MTCL2: variants seen among roughly 807,000 people sequenced by gnomAD.
The protein encoded by MTCL2 is microtubule crosslinking factor 2.
the MTCL2 span, among the ~76,000 whole-genome samples, chr20:36,857,350 T>C: frequency 1.3e-5 from 2 of 152,076 alleles, no homozygotes; most frequent in Non-Finnish European, 2.9e-5. Context: ...GTGCGTGTGA[T>C]AGAATGGGAG....
At chr20:36,790,738 C>CTTTTT in the MTCL2 span, among the ~76,000 whole-genome samples, 2 of 135,916 alleles carry the variant, frequency 1.5e-5, no homozygotes, top group African/African-American at 2.7e-5. Context: ...TGCCTGGCCT[C>CTTTTT]TTTTTTTTTT....
the MTCL2 span, among the ~76,000 whole-genome samples, chr20:36,850,345 A>C: frequency 2.0e-5 from 3 of 152,082 alleles, no homozygotes; most frequent in Non-Finnish European, 4.4e-5. Flanking sequence ...CCTGGTCAAC[A>C]TGGCGAAACC....
At chr20:36,816,350 G>A in the MTCL2 span, 2 of 1,496,122 alleles carry the variant, frequency 1.3e-6, no homozygotes, top group Non-Finnish European at 1.8e-6. Flanking sequence ...GGTTAGTGCT[G>A]GGAGTCTCAG....
At chr20:36,856,870 G>A in the MTCL2 span, among the ~76,000 whole-genome samples, 12 of 152,032 alleles carry the variant, frequency 7.9e-5, no homozygotes, top group African/African-American at 2.2e-4. Context: ...GTGCGCGCAC[G>A]TGTGTGCGTG....
the MTCL2 span, among the ~76,000 whole-genome samples, chr20:36,827,826 T>C: frequency 6.6e-6 from 1 of 152,168 alleles, no homozygotes; most frequent in Non-Finnish European, 1.5e-5. Flanking sequence ...TTGTCTCCCC[T>C]TTTCACTATC....
At chr20:36,852,308 G>A in the MTCL2 span, among the ~76,000 whole-genome samples, 5 of 142,124 alleles carry the variant, frequency 3.5e-5, no homozygotes, top group East Asian at 3.9e-4. Flanking sequence ...TCTCCTGCCC[G>A]GGCCCGGGCC....
the MTCL2 span, chr20:36,829,132 G>A: frequency 1.6e-5 from 25 of 1,594,060 alleles, no homozygotes; most frequent in Middle Eastern, 1.7e-4. Flanking sequence ...GAAGCTCTTC[G>A]TTCTCCTCCT....
the MTCL2 span, among the ~76,000 whole-genome samples, chr20:36,810,647 A>C: frequency 6.6e-6 from 1 of 151,810 alleles, no homozygotes; most frequent in East Asian, 1.9e-4. Context: ...CAATAAATGT[A>C]ACCAGTGGGA....
the MTCL2 span, chr20:36,785,724 C>G: frequency 1.0e-6 from 1 of 985,384 alleles, no homozygotes; most frequent in African/African-American, 1.7e-5. Flanking sequence ...AAGGGGTCTG[C>G]TGGGAACGTT....
the MTCL2 span, chr20:36,812,789 C>T: frequency 1.5e-5 from 24 of 1,613,614 alleles, no homozygotes; most frequent in South Asian, 5.5e-5. Context: ...GTCACCAGTG[C>T]GGAAAGCCTC....
chr20:36,825,035 G>A, the MTCL2 span, among the ~76,000 whole-genome samples: 1 of 151,718 alleles, frequency 6.6e-6, no homozygotes, highest in Non-Finnish European at 1.5e-5. Context: ...CAGCTCCCGG[G>A]TTCAAGCAAT....
At chr20:36,810,083 CCAG>C in the MTCL2 span, 1 of 1,598,068 alleles carries the variant, frequency 6.3e-7, no homozygotes. Flanking sequence ...TGGGCCTCAG[CCAG>C]CACCAGCTGC....
chr20:36,813,215 T>G, the MTCL2 span, among the ~76,000 whole-genome samples: 1 of 149,000 alleles, frequency 6.7e-6, no homozygotes, highest in African/African-American at 2.5e-5. Flanking sequence ...ATGGGCACAG[T>G]GGCATGTGCC....
the MTCL2 span, chr20:36,808,770 C>A: frequency 6.5e-7 from 1 of 1,545,170 alleles, no homozygotes; most frequent in Non-Finnish European, 8.7e-7. Flanking sequence ...GCTTGAGCAA[C>A]CCCAGGGCCC....
At chr20:36,802,909 C>T in the MTCL2 span, 1 of 1,572,214 alleles carries the variant, frequency 6.4e-7, no homozygotes, top group Non-Finnish European at 8.6e-7. Flanking sequence ...TGCTGCTTCT[C>T]ACCCTGCAGC....
At chr20:36,803,536 G>C in the MTCL2 span, among the ~76,000 whole-genome samples, 5 of 152,188 alleles carry the variant, frequency 3.3e-5, no homozygotes, top group East Asian at 9.7e-4. Context: ...CAGGTCTTTG[G>C]GGGCAGCAGG....
the MTCL2 span, among the ~76,000 whole-genome samples, chr20:36,788,377 C>A: frequency 1.6e-4 from 24 of 151,890 alleles, no homozygotes; most frequent in South Asian, 4.2e-4. Context: ...ATGGCCCGGG[C>A]GCGGTGGCTC....
At chr20:36,841,155 C>CAAAAAAAAAAAAAA in the MTCL2 span, among the ~76,000 whole-genome samples, 8 of 40,348 alleles carry the variant, frequency 2.0e-4, 2 homozygotes, top group Non-Finnish European at 2.8e-4. Context: ...ACTAAAAATA[C>CAAAAAAAAAAAAAA]AAAAAAAAAA....
the MTCL2 span, among the ~76,000 whole-genome samples, chr20:36,791,136 G>A: frequency 6.6e-6 from 1 of 151,898 alleles, no homozygotes; most frequent in Non-Finnish European, 1.5e-5. Flanking sequence ...CTGGGTTCAC[G>A]CGATTCTCCT....
Sources: gnomAD v4.1 joint callset for allele counts (sites outside exome capture counted in the v4.1 genomes callset) on GRCh38, gnomAD v4.1.1 for gene constraint, MANE v1.5 for transcripts, NCBI Gene and HGNC (gene_info 2026-07-23, HGNC 2026-07-21) for gene names.